TLK1: variants seen among roughly 807,000 people sequenced by gnomAD.
TLK1 encodes the protein serine/threonine-protein kinase tousled-like 1.
In TLK1, 24 loss-of-function variants were observed where a neutral mutation model predicts 105.3. The ratio of observed to expected loss-of-function variants is 0.23; its 90% CI spans 0.17 to 0.32. The LOEUF (loss-of-function observed/expected upper bound fraction) is 0.32. Among genes scored for constraint, TLK1 ranks in the 10% least tolerant of loss-of-function variants. The probability of loss-of-function intolerance (pLI) is 1.00; values close to 1 mark genes in which losing one functional copy is unlikely to be tolerated. For missense variants in TLK1, 558 were observed against 910.5 expected (o/e 0.61, Z 4.98); for synonymous variants, 321 against 310.4 (o/e 1.03, Z -0.36).
intron 10 of TLK1, among the ~76,000 whole-genome samples, chr2:171,046,601 T>C (rs866690809): frequency 3.3e-5 from 5 of 152,176 alleles, no homozygotes; most frequent in Non-Finnish European, 7.3e-5. Flanking sequence ...TATAATTTCA[T>C]GGGATCTTCT....
chr2:171,168,893 C>G (rs1462985518), intron 1 of TLK1, among the ~76,000 whole-genome samples: 1 of 152,060 alleles, frequency 6.6e-6, no homozygotes, highest in Admixed American at 6.6e-5. Context: ...CCAGCCTGGC[C>G]AACATGGTGA....
intron 1 of TLK1, among the ~76,000 whole-genome samples, chr2:171,130,221 G>A (rs1691044302): frequency 6.6e-6 from 1 of 152,180 alleles, no homozygotes; most frequent in Non-Finnish European, 1.5e-5. Flanking sequence ...GGCCAACATG[G>A]TGAAACCCCC....
intron 10 of TLK1, among the ~76,000 whole-genome samples, chr2:171,049,373 T>C (rs189545699): frequency 1.7e-4 from 26 of 152,312 alleles, no homozygotes; most frequent in African/African-American, 4.6e-4. Flanking sequence ...AGTTATTATA[T>C]CTGAGGCAAA....
At chr2:171,150,981 G>GAAT (rs1264713122) in intron 1 of TLK1, among the ~76,000 whole-genome samples, 1 of 151,876 alleles carries the variant, frequency 6.6e-6, no homozygotes, top group East Asian at 1.9e-4. Flanking sequence ...AGCCCAGTCT[G>GAAT]AATCCTGGCT....
chr2:170,994,746 T>G, intron 20 of TLK1: 1 of 512,316 alleles, frequency 2.0e-6, no homozygotes, highest in Non-Finnish European at 3.9e-6. Flanking sequence ...TCTAAAACCA[T>G]AGTTGAGTTT....
chr2:171,223,120 T>C (rs1275358140), intron 1 of TLK1, among the ~76,000 whole-genome samples: 2 of 152,092 alleles, frequency 1.3e-5, no homozygotes, highest in East Asian at 3.9e-4. Context: ...CAGCCTAAGA[T>C]ATGTCTTTGA....
At chr2:171,156,906 C>T (rs921421476) in intron 1 of TLK1, among the ~76,000 whole-genome samples, 5 of 152,158 alleles carry the variant, frequency 3.3e-5, no homozygotes, top group African/African-American at 1.2e-4. Context: ...TCTAGGCTTA[C>T]CGCAGCCTCC....
intron 1 of TLK1, among the ~76,000 whole-genome samples, chr2:171,195,310 T>C (rs547413652): frequency 6.6e-6 from 1 of 151,946 alleles, no homozygotes; most frequent in Non-Finnish European, 1.5e-5. Context: ...GAGACCATCC[T>C]GGCTAACACG....
intron 18 of TLK1, among the ~76,000 whole-genome samples, chr2:171,005,169 A>C (rs970449170): frequency 3.3e-5 from 5 of 152,224 alleles, no homozygotes; most frequent in African/African-American, 1.2e-4. Context: ...CTTTATGCTA[A>C]ACTAATTTTC....
chr2:171,076,295 GAC>G (rs1688502407), intron 3 of TLK1, among the ~76,000 whole-genome samples: 1 of 152,046 alleles, frequency 6.6e-6, no homozygotes, highest in Non-Finnish European at 1.5e-5. Context: ...GTTCGTTACT[GAC>G]AGAGTGGGTT....
Position 171,046,252 on chromosome 2 carries a change from G to T in TLK1, c.1091C>A (p.Ser364Tyr). The T allele has an allele frequency of 6.2e-7, 1 of 1,613,580 alleles. No individual in the cohort carries two copies. The highest frequency in any genetic ancestry group is 2.2e-5 in the East Asian group (1 of 44,848). The change falls in exon 11 of 21, where the codon TCT (serine) becomes TAT (tyrosine). Residue 364 changes from serine to tyrosine, a missense_variant. By Grantham distance (144) the Ser-to-Tyr change is moderately radical. Transcript: ENST00000431350. ...ANNSQAPSTN[S>Y]EPKQRKNKAV... Reference sequence around the variant, plus strand: ...TTTGTTTTTCCTTTGTTTTGGTTCAGAATTGGTAGAGGGTGCCTGAGAATT... The same window carrying T: ...TTTGTTTTTCCTTTGTTTTGGTTCATAATTGGTAGAGGGTGCCTGAGAATT...
At chr2:170,996,632 T>A in intron 20 of TLK1, 21 bp downstream of exon 20, 1 of 1,591,624 alleles carries the variant, frequency 6.3e-7, no homozygotes, top group Non-Finnish European at 8.6e-7. Context: ...TTCACAAAAC[T>A]CATTTACAAA....
At chr2:171,097,356 A>G (rs1029914532) in intron 2 of TLK1, among the ~76,000 whole-genome samples, 1 of 152,232 alleles carries the variant, frequency 6.6e-6, no homozygotes, top group Non-Finnish European at 1.5e-5. Flanking sequence ...TAAGATATGA[A>G]ATTTTTAAAA....
chr2:171,188,705 CAAAAAAAA>C (rs998138338), intron 1 of TLK1, among the ~76,000 whole-genome samples: 2 of 44,676 alleles, frequency 4.5e-5, no homozygotes, highest in Admixed American at 2.7e-4. Flanking sequence ...GACTCTGTCT[CAAAAAAAA>C]AAAAAAAAAA....
chr2:171,168,715 C>A (rs947339047), intron 1 of TLK1, among the ~76,000 whole-genome samples: 1 of 152,080 alleles, frequency 6.6e-6, no homozygotes, highest in African/African-American at 2.4e-5. Flanking sequence ...GATGCTAAGT[C>A]TAAAATGTTA....
At chr2:171,206,377 CAG>C (rs1455893844) in intron 1 of TLK1, among the ~76,000 whole-genome samples, 6 of 152,124 alleles carry the variant, frequency 3.9e-5, no homozygotes, top group African/African-American at 1.4e-4. Context: ...TAATGAAAAA[CAG>C]TAAGAACCCT....
intron 1 of TLK1, among the ~76,000 whole-genome samples, chr2:171,182,522 T>C (rs1404034733): frequency 6.6e-6 from 1 of 151,992 alleles, no homozygotes; most frequent in Non-Finnish European, 1.5e-5. Flanking sequence ...TACAAGGCCA[T>C]GGAAAACAAG....
At chr2:171,211,849 CTT>C (rs776587137) in intron 1 of TLK1, among the ~76,000 whole-genome samples, 3 of 139,924 alleles carry the variant, frequency 2.1e-5, no homozygotes. Flanking sequence ...TGCCCGGCCT[CTT>C]TTTTTTTTTT....
chr2:171,165,679 G>A (rs891665145), upstream of TLK1, among the ~76,000 whole-genome samples: 4 of 152,176 alleles, frequency 2.6e-5, no homozygotes, highest in East Asian at 1.9e-4. Flanking sequence ...TTGGGAGGCC[G>A]AGGCGGGTGG....
Sources: allele counts gnomAD v4.1 joint callset (sites outside exome capture counted in the v4.1 genomes callset), GRCh38; gene constraint gnomAD v4.1.1; transcripts MANE v1.5; gene names NCBI Gene and HGNC (gene_info 2026-07-23, HGNC 2026-07-21).